The following IQCE variants were observed in gnomAD, a reference collection of about 807,000 sequenced individuals.
The protein encoded by IQCE is IQ motif containing E.
IQCE carries 115 observed loss-of-function variants against 96.0 expected under a neutral mutation model. The observed-to-expected ratio is 1.20, with a 90% CI of 1.03 to 1.40. IQCE has a LOEUF of 1.40. Among genes scored for constraint, IQCE ranks in the 40% most tolerant of loss-of-function variants. The pLI is 0.00. For missense variants in IQCE, 1,041 were observed against 909.1 expected (o/e 1.15, Z -1.87); for synonymous variants, 412 against 371.2 (o/e 1.11, Z -1.26).
chr7:2,590,030 C>T lies in IQCE; in HGVS notation c.1168C>T (p.His390Tyr). Residue 390 changes from histidine to tyrosine, a missense_variant, in exon 14 of 22, where the codon CAC becomes TAC. By Grantham distance (83) the His-to-Tyr change is moderately conservative. Coordinates refer to ENST00000402050, the MANE Select transcript of IQCE (RefSeq NM_152558.5). Reference sequence around the variant, plus strand: ...GCCACGAGGGGACCGCAACAAGGACCACGAGCGTCTCCGAGGGGCTGTGAG... The same window carrying T: ...GCCACGAGGGGACCGCAACAAGGACTACGAGCGTCTCCGAGGGGCTGTGAG... ...RQPRGDRNKD[H>Y]ERLRGAVRDL... The T allele has an allele frequency of 6.2e-7, 1 of 1,613,780 alleles. No homozygotes were observed. Among genetic ancestry groups the T allele is most frequent in the Non-Finnish European group, 8.5e-7 (1 of 1,179,986 alleles).
intron 17 of IQCE, among the ~76,000 whole-genome samples, chr7:2,599,061 G>A (rs748717208): frequency 6.6e-6 from 1 of 152,102 alleles, no homozygotes; most frequent in Non-Finnish European, 1.5e-5. Context: ...TCTGTTTCCC[G>A]CCAGCATTCG....
rs534087293 is a variant in IQCE at position 2,613,112 on chromosome 7, A to G, written c.*2950A>G. The G allele has an allele frequency of 9.9e-5, 15 of 152,276 alleles. 1 individual carries two copies. The East Asian group carries it at 2.7e-3, about 27-fold the overall frequency. The allele number at this position is 152,276 out of a possible 1,614,324, so 9.4% of individuals were successfully genotyped here. On this transcript the variant is annotated 3_prime_UTR_variant, in exon 22 of 22. Coordinates refer to ENST00000402050, the MANE Select transcript of IQCE (RefSeq NM_152558.5). ...TGTTAGGTAGTCCAGCTTTAAAATA[A>G]CACACTCTTTCTCTATCCCATGCCC...
rs1420148772 is a variant in IQCE at position 2,598,591 on chromosome 7, G to A, written c.1567G>A (p.Ala523Thr). 6 of 1,600,164 alleles carry A rather than the reference G, an allele frequency of 3.7e-6. No individual in the cohort carries two copies. Among genetic ancestry groups the A allele is most frequent in the Non-Finnish European group, 5.1e-6 (6 of 1,173,906 alleles). ...PCSDGRRDAA[A>T]RVLQAQWKVY... is the part of the protein sequence containing the mutation. ...CTCTGATGGGAGAAGAGACGCCGCG[G>A]CCAGAGTCCTGCAGGCCCAGTGGAA... is the stretch of plus-strand genomic sequence containing the variant. Residue 523 changes from alanine to threonine, a missense_variant, in exon 17 of 22, where the codon GCC becomes ACC. Coordinates refer to ENST00000402050, the MANE Select transcript of IQCE (RefSeq NM_152558.5).
At chr7:2,585,069 A>C (rs1782992859) in intron 11 of IQCE, among the ~76,000 whole-genome samples, 1 of 141,190 alleles carries the variant, frequency 7.1e-6, no homozygotes, top group African/African-American at 2.6e-5. Flanking sequence ...TTTTTTGGCA[A>C]ATGTTGCCCA....
intron 16 of IQCE, among the ~76,000 whole-genome samples, chr7:2,595,293 TG>T (rs1783937703): frequency 6.6e-6 from 1 of 152,102 alleles, no homozygotes; most frequent in Non-Finnish European, 1.5e-5. Flanking sequence ...AGGAGGGGCT[TG>T]GGGGGAAAGG....
chr7:2,581,045 G>A lies in IQCE; in HGVS notation c.631-1535G>A, dbSNP rs187659835. On this transcript the variant is annotated intron_variant, in intron 8 of 21. Coordinates refer to ENST00000402050, the MANE Select transcript of IQCE (RefSeq NM_152558.5). ...TTTTTAGTAGAGACGGGGTTTCACC[G>A]TGTTAGCCAGGATGGTCTCGATCTC... 8.4e-3 allele frequency among the ~76,000 whole-genome samples: 1,278 copies of A among 151,486 alleles called. 34 individuals are homozygous for A. The highest frequency in any genetic ancestry group is 0.063 in the Admixed American group (953 of 15,208).
Position 2,583,651 on chromosome 7 carries a change from A to G in IQCE, c.716A>G (p.Asp239Gly). The change falls in exon 10 of 22, where the codon GAT becomes GGT. Residue 239 changes from aspartate to glycine, a missense_variant. By Grantham distance (94) the Asp-to-Gly change is moderately conservative (BLOSUM62 -1). Coordinates refer to ENST00000402050, the MANE Select transcript of IQCE (RefSeq NM_152558.5). ...TGGGTTTTCAGCAAACTCCAGACCG[A>G]TATGAAGACTACCAACCTGGAAGAG... ...KDGTISKLQT[D>G]MKTTNLEEMR... 6.3e-7 allele frequency: 1 copy of G among 1,590,792 alleles called. No homozygotes were observed. The highest frequency in any genetic ancestry group is 8.6e-7 in the Non-Finnish European group (1 of 1,165,812).
At position 2,598,372 on chromosome 7, in the gene IQCE, C is replaced by T. The variant is rs183942568; in HGVS notation, c.1441-93C>T. The T allele has an allele frequency of 4.0e-4, 512 of 1,270,574 alleles. 1 individual carries two copies. In the African/African-American group the frequency reaches 5.9e-3, roughly 15 times the overall value. 78.7% of individuals were successfully genotyped at this position (1,270,574 alleles called of 1,614,324 possible). ...GTGAGACTCACCTGATAAGCGCAGC[C>T]GCACCATGCCGGGTAATATCCTGTC... On this transcript the variant is annotated intron_variant, in intron 16 of 21. Transcript: ENST00000402050.
rs1156892239 is a variant in IQCE at position 2,611,877 on chromosome 7, T to G, written c.*1715T>G. On this transcript the variant is annotated 3_prime_UTR_variant, in exon 22 of 22. Coordinates refer to ENST00000402050, the MANE Select transcript of IQCE (RefSeq NM_152558.5). ...TGAACTGGCTGGTAACTTGATGGAC[T>G]GTGTAACTGACACAGGCCCTCTTTA... The G allele has an allele frequency of 1.3e-5, 2 of 152,138 alleles. No individual in the cohort carries two copies. Among genetic ancestry groups the G allele is most frequent in the Non-Finnish European group, 2.9e-5 (2 of 68,034 alleles). The allele number at this position is 152,138 out of a possible 1,614,324, so 9.4% of individuals were successfully genotyped here.
rs34269895 is a variant in IQCE at position 2,563,893 on chromosome 7, C to CAAAAAAA, written c.37-3206_37-3200dup. On this transcript the variant is annotated intron_variant, in intron 1 of 21. Transcript: ENST00000402050. ...TGGGTGAGAGAGCGAGACTCCATCT[C>CAAAAAAA]AAAAAAAAAAAAAAAAAAAAAAATT... 4.7e-3 allele frequency among the ~76,000 whole-genome samples: 279 copies of CAAAAAAA among 59,962 alleles called. 3 individuals carry two copies. The highest frequency in any genetic ancestry group is 0.019 in the African/African-American group (264 of 14,146). 39.3% of individuals were successfully genotyped at this position (59,962 alleles called of 152,430 possible).
intron 13 of IQCE, 85 bp from the exon 14 acceptor site, chr7:2,589,822 C>T: frequency 7.3e-7 from 1 of 1,375,748 alleles, no homozygotes; most frequent in Non-Finnish European, 1.0e-6. Flanking sequence ...TCAGTTTGCC[C>T]TGGTTCAGTG....
At position 2,578,326 on chromosome 7, in the gene IQCE, C is replaced by CA. The variant is rs1376750910; in HGVS notation, c.551dup (p.Ile185AspfsTer29). On this transcript the variant is annotated frameshift_variant, in exon 7 of 22. Coordinates refer to ENST00000402050, the MANE Select transcript of IQCE (RefSeq NM_152558.5). LOFTEE classifies it high-confidence loss of function. ...GGAGGAAAACAGCAGGAAGGACCGG[C>CA]AGATAGAGCAGCTCCTGGATCCCAG... The CA allele has an allele frequency of 6.2e-7, 1 of 1,614,110 alleles. No individual in the cohort carries two copies. The highest frequency in any genetic ancestry group is 1.7e-5 in the Admixed American group (1 of 60,032).
chr7:2,562,613 G>C (rs1195210076), intron 1 of IQCE, among the ~76,000 whole-genome samples: 1 of 140,992 alleles, frequency 7.1e-6, no homozygotes, highest in African/African-American at 2.6e-5. Flanking sequence ...TTTTCCCCCT[G>C]TATTTTGGTA....
chr7:2,612,444 C>G lies in IQCE; in HGVS notation c.*2282C>G, dbSNP rs1785138245. 2 of 152,366 alleles carry G rather than the reference C, an allele frequency of 1.3e-5. No homozygotes were observed. Among genetic ancestry groups the G allele is most frequent in the East Asian group, 1.9e-4 (1 of 5,186 alleles). The allele number at this position is 152,366 out of a possible 1,614,324, so 9.4% of individuals were successfully genotyped here. ...AGACAGTACCAAGCGGAGAGGCCTC[C>G]TTGCCCACGGCCCCAGGGCCTGGGG... On this transcript the variant is annotated 3_prime_UTR_variant, in exon 22 of 22. Coordinates refer to ENST00000402050, the MANE Select transcript of IQCE (RefSeq NM_152558.5).
Position 2,586,318 on chromosome 7 carries a change from A to G in IQCE, c.935A>G (p.Lys312Arg), listed in dbSNP as rs769095246. The change falls in exon 12 of 22, where the codon AAG (lysine) becomes AGG (arginine). Residue 312 changes from lysine to arginine, a missense_variant. Transcript: ENST00000402050. ...CTCACGGAAGAGAACCAGAGCCTGA[A>G]GGAGGACCTGGACCGCGTGCTGAGC... ...QELTEENQSL[K>R]EDLDRVLSTS... The G allele has an allele frequency of 2.5e-6, 4 of 1,613,966 alleles. No individual in the cohort carries two copies. The highest frequency in any genetic ancestry group is 3.4e-6 in the Non-Finnish European group (4 of 1,179,918).
chr7:2,586,387 C>T lies in IQCE; in HGVS notation c.988+16C>T, dbSNP rs1783115081. ...AAGACACAGGGTACCTTCCTGAAAG[C>T]CACTCCAGGAGGGAGGCCAGGGAAT... On this transcript the variant is annotated intron_variant, in intron 12 of 21. Transcript: ENST00000402050. 6.3e-7 allele frequency: 1 copy of T among 1,589,362 alleles called. No homozygotes were observed. The highest frequency in any genetic ancestry group is 8.5e-7 in the Non-Finnish European group (1 of 1,172,850).
At chr7:2,564,236 C>G (rs773743498) in intron 1 of IQCE, among the ~76,000 whole-genome samples, 2 of 151,822 alleles carry the variant, frequency 1.3e-5, no homozygotes, top group Admixed American at 6.6e-5. Flanking sequence ...TTTCACTCAT[C>G]TAAGATATTT....
chr7:2,578,104 G>C, intron 6 of IQCE, 138 bp from the exon 7 acceptor site: 2 of 642,786 alleles, frequency 3.1e-6, no homozygotes, highest in Admixed American at 4.9e-5. Context: ...GCGCAGTGGC[G>C]TGTGCGTGGC....
chr7:2,565,629 C>A (rs1781315502), intron 1 of IQCE, among the ~76,000 whole-genome samples: 1 of 152,194 alleles, frequency 6.6e-6, no homozygotes, highest in Non-Finnish European at 1.5e-5. Context: ...ATGCCCAGGG[C>A]TGACTTGGCT....
Sources: allele counts gnomAD v4.1 joint callset (sites outside exome capture counted in the v4.1 genomes callset), GRCh38; gene constraint gnomAD v4.1.1; transcripts MANE v1.5; gene names NCBI Gene and HGNC (gene_info 2026-07-23, HGNC 2026-07-21).